Variants in GAK observed in about 807,000 individuals in gnomAD.
The protein encoded by GAK is cyclin-G-associated kinase.
Under a neutral mutation model 143.9 loss-of-function variants are expected in GAK, and 79 were observed. The ratio of observed to expected loss-of-function variants is 0.55; its 90% CI spans 0.46 to 0.66. GAK has a LOEUF of 0.66. Ranked by LOEUF, GAK falls within the 30% of genes least tolerant of loss-of-function variation. The pLI is 0.00. For missense variants in GAK, 1,693 were observed against 1,779.7 expected (o/e 0.95, Z 0.88); for synonymous variants, 881 against 765.5 (o/e 1.15, Z -2.49).
At position 867,228 on chromosome 4, in the gene GAK, G is replaced by A. The variant is rs761780920; in HGVS notation, c.2600C>T (p.Thr867Ile). Residue 867 changes from threonine (T) to isoleucine (I), a missense_variant, in exon 21 of 28, where the codon ACA becomes ATA. Transcript: ENST00000314167. ...VQQDLVFEVE[T>I]PAVLPEPVPQ... is the part of the protein sequence containing the mutation. ...CACAGGCTCTGGCAGCACAGCCGGT[G>A]TCTCCACCTCAAAAACCAAGTCCTG... 3.1e-6 allele frequency: 5 copies of A among 1,612,918 alleles called. No individual in the cohort carries two copies. Among genetic ancestry groups the A allele is most frequent in the Middle Eastern group, 1.7e-4 (1 of 6,054 alleles).
At chr4:864,354 C>T (rs2152734781) in intron 23 of GAK, among the ~76,000 whole-genome samples, 1 of 152,296 alleles carries the variant, frequency 6.6e-6, no homozygotes, top group South Asian at 2.1e-4. Context: ...GAGCAAGACC[C>T]TGTCTCAAAA....
Position 850,077 on chromosome 4 carries a change from G to A in GAK, c.3658-9C>T, listed in dbSNP as rs375749894. ...TCAATCCAGTCCAGGAGCTGCGGGA[G>A]ACACGGAGCTTGCCGAGCCCTGGGC... On this transcript the variant is annotated splice_polypyrimidine_tract_variant and intron_variant, in intron 26 of 27. Coordinates refer to ENST00000314167, the MANE Select transcript of GAK (RefSeq NM_005255.4). 1 of 1,560,062 alleles carries A rather than the reference G, an allele frequency of 6.4e-7. No individual in the cohort carries two copies. Among genetic ancestry groups the A allele is most frequent in the Admixed American group, 1.8e-5 (1 of 56,444 alleles).
chr4:894,481 C>T, intron 7 of GAK: 1 of 157,522 alleles, frequency 6.3e-6, no homozygotes, highest in East Asian at 1.9e-4. Flanking sequence ...GTGAGAGGAG[C>T]ACCGCAGACA....
intron 15 of GAK, among the ~76,000 whole-genome samples, chr4:879,415 T>C (rs1365497499): frequency 6.6e-6 from 1 of 152,242 alleles, no homozygotes; most frequent in Non-Finnish European, 1.5e-5. Context: ...GTTTCTTTTT[T>C]CTTCTTTTCG....
chr4:923,589 C>T (rs563595268), intron 1 of GAK, among the ~76,000 whole-genome samples: 3 of 151,842 alleles, frequency 2.0e-5, no homozygotes, highest in East Asian at 3.9e-4. Flanking sequence ...GTGGGAGGAT[C>T]GCTTGAGTCC....
In GAK at chr4:876,401, C is replaced by T. The variant is rs1016488217; in HGVS notation, c.2054+129G>A. 50 of 770,462 alleles carry T rather than the reference C, an allele frequency of 6.5e-5. 1 individual carries two copies. Among genetic ancestry groups the T allele is most frequent in the Non-Finnish European group, 1.0e-4 (46 of 450,778 alleles). 47.7% of individuals were successfully genotyped at this position (770,462 alleles called of 1,614,324 possible). ...AGCTCCAGGATGGCCCAGGAACAGG[C>T]CCAGAGCCACCAAGCAGCAGTCACA... On this transcript the variant is annotated intron_variant, in intron 18 of 27. Transcript: ENST00000314167.
In GAK at chr4:932,037, C is replaced by A; in HGVS notation, c.145+6G>T. Reference sequence around the variant, plus strand: ...CCGCACCCGCGCTGCCGACCCGGGGCCTCACCTTCGGCCAGGACCCGCCGC... The same window carrying A: ...CCGCACCCGCGCTGCCGACCCGGGGACTCACCTTCGGCCAGGACCCGCCGC... On this transcript the variant is annotated splice_donor_region_variant and intron_variant, in intron 1 of 27. Transcript: ENST00000314167. The surrounding 1 kb of genome is among the most constrained non-coding windows in gnomAD (Gnocchi z 4.0). 1.3e-6 allele frequency: 2 copies of A among 1,573,268 alleles called. No individual in the cohort carries two copies. Among genetic ancestry groups the A allele is most frequent in the South Asian group, 2.3e-5 (2 of 87,952 alleles).
At chr4:886,642 C>T (rs1388080756) in intron 11 of GAK, 1 of 152,298 alleles carries the variant, frequency 6.6e-6, no homozygotes, top group East Asian at 1.9e-4. Context: ...CACTCTGATC[C>T]CAACATCACT....
intron 13 of GAK, 91 bp from the exon 14 acceptor site, chr4:882,910 G>C (rs1715453737): frequency 1.3e-6 from 2 of 1,513,164 alleles, no homozygotes; most frequent in Admixed American, 3.7e-5. Context: ...GCAGTGCGGG[G>C]GCCTCCGCCA....
At chr4:860,802 G>C (rs1206306945) in intron 23 of GAK, among the ~76,000 whole-genome samples, 3 of 152,060 alleles carry the variant, frequency 2.0e-5, no homozygotes, top group Non-Finnish European at 4.4e-5. Context: ...TGCACTCGAG[G>C]GGACGGGCAC....
chr4:878,436 G>A (rs1317557344), intron 15 of GAK, among the ~76,000 whole-genome samples: 1 of 152,192 alleles, frequency 6.6e-6, no homozygotes, highest in Non-Finnish European at 1.5e-5. Flanking sequence ...ATTGAGGTGT[G>A]TTTATAGCCC....
At chr4:870,241 AGTG>A (rs995863233) in intron 19 of GAK, among the ~76,000 whole-genome samples, 1 of 152,254 alleles carries the variant, frequency 6.6e-6, no homozygotes, top group African/African-American at 2.4e-5. Context: ...TGGCATGAGC[AGTG>A]GACGGCCCTG....
At chr4:860,690 C>A (rs1021104075) in intron 23 of GAK, among the ~76,000 whole-genome samples, 46 of 150,114 alleles carry the variant, frequency 3.1e-4, no homozygotes, top group African/African-American at 9.6e-4. Flanking sequence ...CCCTGGCGCA[C>A]CTCGCACTGT....
At chr4:862,245 AG>A (rs1750420793) in intron 23 of GAK, among the ~76,000 whole-genome samples, 3 of 151,112 alleles carry the variant, frequency 2.0e-5, no homozygotes, top group Non-Finnish European at 2.9e-5. Flanking sequence ...TGCACCCGCC[AG>A]ACTCTCCATG....
At chr4:872,030 G>A (rs1336785685) in intron 18 of GAK, among the ~76,000 whole-genome samples, 2 of 152,214 alleles carry the variant, frequency 1.3e-5, no homozygotes, top group African/African-American at 4.8e-5. Context: ...GCCAGTGTCT[G>A]CAGGGCCAGG....
intron 23 of GAK, among the ~76,000 whole-genome samples, chr4:860,575 C>A (rs887050039): frequency 6.6e-6 from 1 of 152,174 alleles, no homozygotes; most frequent in Non-Finnish European, 1.5e-5. Context: ...ATCAAACTGG[C>A]GAGACACCTT....
chr4:893,540 G>T, intron 8 of GAK, 51 bp from the exon 9 acceptor site: 1 of 1,307,126 alleles, frequency 7.7e-7, no homozygotes, highest in Non-Finnish European at 1.0e-6. Context: ...AGGCGGGTCA[G>T]CACCCCCTGC....
chr4:890,856 G>A (rs1156956146), intron 9 of GAK, among the ~76,000 whole-genome samples: 4 of 151,984 alleles, frequency 2.6e-5, no homozygotes, highest in Non-Finnish European at 4.4e-5. Context: ...TGTTGCAGGT[G>A]CTCAGCACTC....
At chr4:855,928 C>T (rs1287015482) in intron 24 of GAK, among the ~76,000 whole-genome samples, 3 of 152,158 alleles carry the variant, frequency 2.0e-5, no homozygotes, top group Non-Finnish European at 4.4e-5. Context: ...GCACTCCAGC[C>T]AGGGCAACAG....
Sources: gnomAD v4.1 joint callset for allele counts (sites outside exome capture counted in the v4.1 genomes callset) on GRCh38, gnomAD v4.1.1 for gene constraint, Gnocchi (gnomAD v3.1) non-coding constraint, MANE v1.5 for transcripts, NCBI Gene and HGNC (gene_info 2026-07-23, HGNC 2026-07-21) for gene names.